Variants in NCKAP5 observed in about 807,000 individuals in gnomAD.
NCKAP5 encodes nck-associated protein 5.
A neutral mutation model predicts 167.0 loss-of-function variants in NCKAP5; 92 were observed. That is an observed-to-expected ratio of 0.55 (90% CI 0.47 to 0.66). NCKAP5 has a LOEUF of 0.66. NCKAP5 is among the 30% of genes least tolerant of loss of function. The pLI, the probability that NCKAP5 is intolerant of heterozygous loss-of-function variation, is 0.00. For missense variants in NCKAP5, 2,378 were observed against 2,315.0 expected (o/e 1.03, Z -0.56); for synonymous variants, 891 against 877.4 (o/e 1.02, Z -0.27).
At chr2:133,467,795 C>T (rs922008316) in intron 3 of NCKAP5, among the ~76,000 whole-genome samples, 2 of 139,772 alleles carry the variant, frequency 1.4e-5, no homozygotes, top group Non-Finnish European at 3.1e-5. Flanking sequence ...AGTTTATTTG[C>T]GTAGAGGTGT....
the NCKAP5 span, among the ~76,000 whole-genome samples, chr2:133,637,070 G>C: frequency 6.9e-6 from 1 of 145,872 alleles, no homozygotes; most frequent in African/African-American, 2.5e-5. Context: ...AATACTTAAA[G>C]TATACTTAAT....
chr2:133,122,862 T>C (rs1196387160), intron 6 of NCKAP5: 1 of 152,214 alleles, frequency 6.6e-6, no homozygotes, highest in African/African-American at 2.4e-5. Flanking sequence ...AGTAAGTACA[T>C]TTCATTTCTA....
chr2:132,856,667 CAG>C (rs1352814549), intron 11 of NCKAP5, among the ~76,000 whole-genome samples: 18 of 152,114 alleles, frequency 1.2e-4, no homozygotes, highest in Non-Finnish European at 2.5e-4. Context: ...AAGTAAAAGA[CAG>C]AACACATAGG....
chr2:133,249,998 TTTA>T (rs10685479), intron 4 of NCKAP5, among the ~76,000 whole-genome samples: 131 of 138,216 alleles, frequency 9.5e-4, no homozygotes, highest in African/African-American at 2.2e-3. Context: ...CACCAAGGGT[TTTA>T]TTATTATTAT....
intron 4 of NCKAP5, among the ~76,000 whole-genome samples, chr2:133,279,658 C>A (rs1416682672): frequency 1.3e-5 from 2 of 152,192 alleles, no homozygotes; most frequent in Non-Finnish European, 2.9e-5. Context: ...TTCAGCACAG[C>A]AACTTAGAAT....
intron 3 of NCKAP5, among the ~76,000 whole-genome samples, chr2:133,493,681 T>G (rs994653973): frequency 5.9e-5 from 9 of 152,044 alleles, no homozygotes; most frequent in Admixed American, 2.6e-4. Context: ...CAGTTTGTGT[T>G]TAGTCATCGT....
intron 8 of NCKAP5, among the ~76,000 whole-genome samples, chr2:132,941,893 C>G (rs1361549049): frequency 6.6e-6 from 1 of 152,152 alleles, no homozygotes; most frequent in Non-Finnish European, 1.5e-5. Flanking sequence ...TGTGTTCATT[C>G]ATCACTGTTG....
intron 3 of NCKAP5, among the ~76,000 whole-genome samples, chr2:133,500,577 C>A (rs1433717217): frequency 1.3e-5 from 2 of 152,128 alleles, no homozygotes; most frequent in East Asian, 3.8e-4. Context: ...CAAAACAGCA[C>A]CCCTAAATTG....
chr2:133,277,874 T>G (rs2089792934), intron 4 of NCKAP5, among the ~76,000 whole-genome samples: 1 of 152,156 alleles, frequency 6.6e-6, no homozygotes, highest in Non-Finnish European at 1.5e-5. Context: ...AGGTGGCATT[T>G]CAAATCACAA....
intron 5 of NCKAP5, among the ~76,000 whole-genome samples, chr2:133,143,406 A>G (rs534956816): frequency 3.9e-5 from 6 of 152,292 alleles, no homozygotes; most frequent in Admixed American, 6.5e-5. Flanking sequence ...TGTACTGAAC[A>G]TGATGTATTG....
intron 4 of NCKAP5, among the ~76,000 whole-genome samples, chr2:133,232,122 C>T (rs1347866141): frequency 6.6e-6 from 1 of 151,940 alleles, no homozygotes; most frequent in Non-Finnish European, 1.5e-5. Context: ...AAAACAAAAC[C>T]AAAGAGAAAA....
chr2:133,164,185 C>G (rs2083910914), intron 5 of NCKAP5, among the ~76,000 whole-genome samples: 1 of 152,158 alleles, frequency 6.6e-6, no homozygotes. Flanking sequence ...TAAATTGATG[C>G]CTTCAACAAT....
At chr2:133,438,023 G>A (rs1433249232) in intron 3 of NCKAP5, among the ~76,000 whole-genome samples, 1 of 152,214 alleles carries the variant, frequency 6.6e-6, no homozygotes, top group African/African-American at 2.4e-5. Flanking sequence ...TGGGATTGTA[G>A]AGATTCCAAC....
chr2:132,958,624 C>CTT (rs2076412263), intron 8 of NCKAP5, among the ~76,000 whole-genome samples: 1 of 152,158 alleles, frequency 6.6e-6, no homozygotes, highest in Admixed American at 6.5e-5. Flanking sequence ...TTTTTTAAAT[C>CTT]TTGTACCTTG....
chr2:133,232,337 A>C (rs779470876), intron 4 of NCKAP5, among the ~76,000 whole-genome samples: 1 of 152,178 alleles, frequency 6.6e-6, no homozygotes, highest in African/African-American at 2.4e-5. Flanking sequence ...AAGTCACAAC[A>C]AAGAATGGAT....
intron 6 of NCKAP5, among the ~76,000 whole-genome samples, 189 bp downstream of exon 6, chr2:133,129,789 A>T (rs919649190): frequency 6.6e-6 from 1 of 152,238 alleles, no homozygotes; most frequent in Non-Finnish European, 1.5e-5. Flanking sequence ...TGTCAGGTAC[A>T]AATGGAAAGT....
intron 3 of NCKAP5, among the ~76,000 whole-genome samples, chr2:133,505,851 TG>T (rs1207826890): frequency 3.8e-4 from 58 of 152,360 alleles, no homozygotes; most frequent in African/African-American, 1.4e-3. Flanking sequence ...ATAGAAATTT[TG>T]GAGTTTAGCA....
chr2:132,800,910 A>G (rs938857996), intron 11 of NCKAP5, among the ~76,000 whole-genome samples: 2 of 152,184 alleles, frequency 1.3e-5, no homozygotes. Flanking sequence ...GGCAGGGACT[A>G]GCTGGGTGTC....
chr2:132,870,126 T>A (rs1690689318), intron 9 of NCKAP5, among the ~76,000 whole-genome samples: 1 of 152,214 alleles, frequency 6.6e-6, no homozygotes, highest in African/African-American at 2.4e-5. Context: ...GGACCACATG[T>A]AAAACCAGTA....
Sources: allele counts gnomAD v4.1 joint callset (sites outside exome capture counted in the v4.1 genomes callset), GRCh38; gene constraint gnomAD v4.1.1; transcripts MANE v1.5; gene names NCBI Gene and HGNC (gene_info 2026-07-23, HGNC 2026-07-21).